PTPRD: variants seen among roughly 807,000 people sequenced by gnomAD.
PTPRD encodes protein tyrosine phosphatase receptor type D.
A neutral mutation model predicts 214.5 loss-of-function variants in PTPRD; 34 were observed. That is an observed-to-expected ratio of 0.16 (90% confidence interval 0.12 to 0.21). The LOEUF (loss-of-function observed/expected upper bound fraction) is 0.21. Ranked by LOEUF, PTPRD falls within the 10% of genes least tolerant of loss-of-function variation. The pLI, the probability that PTPRD is intolerant of heterozygous loss-of-function variation, is 1.00. For synonymous variants in PTPRD, 1,128 were observed against 845.7 expected (o/e 1.33, Z -5.79); for missense variants, 2,545 against 2,398.7 (o/e 1.06, Z -1.27).
intron 4 of PTPRD, among the ~76,000 whole-genome samples, chr9:10,004,160 G>T (rs114236179): frequency 0.028 from 4,256 of 151,928 alleles, 219 homozygotes; most frequent in African/African-American, 0.095. Context: ...AAGGTTTTAA[G>T]TTTGATGGAG....
intron 10 of PTPRD, among the ~76,000 whole-genome samples, chr9:9,081,949 T>G (rs573741985): frequency 6.6e-6 from 1 of 152,032 alleles, no homozygotes; most frequent in Non-Finnish European, 1.5e-5. Context: ...TAACAAGTTC[T>G]GCAACTGAGG....
intron 5 of PTPRD, among the ~76,000 whole-genome samples, chr9:9,908,086 A>C (rs1013023019): frequency 6.6e-6 from 1 of 152,004 alleles, no homozygotes; most frequent in Non-Finnish European, 1.5e-5. Context: ...AGACAAAAAA[A>C]AAAATCTTAG....
chr9:9,951,582 C>T (rs1285901794), intron 4 of PTPRD, among the ~76,000 whole-genome samples: 2 of 152,360 alleles, frequency 1.3e-5, no homozygotes, highest in African/African-American at 4.8e-5. Context: ...AAAGTTTCCC[C>T]TCCCCTTGCC....
chr9:9,429,230 T>G (rs970065455), intron 8 of PTPRD, among the ~76,000 whole-genome samples: 1 of 152,030 alleles, frequency 6.6e-6, no homozygotes, highest in African/African-American at 2.4e-5. Flanking sequence ...TCACCACTGA[T>G]CCCGTAGAGA....
rs1250570323 is a variant in PTPRD at position 9,954,296 on chromosome 9, A to AC, written c.-471-15687dup. On this transcript the variant is annotated intron_variant, in intron 4 of 45. Transcript: ENST00000381196. ...TGACAGATTGAGACTCTGTCTCAAA[A>AC]CAAAAAAAAAAAAAAAAAAAAAAAA... is the stretch of plus-strand genomic sequence containing the variant. 4.8e-4 allele frequency among the ~76,000 whole-genome samples: 63 copies of AC among 130,364 alleles called. 4 individuals carry two copies. The highest frequency in any genetic ancestry group is 1.8e-3 in the African/African-American group (55 of 30,198). 85.5% of individuals were successfully genotyped at this position (130,364 alleles called of 152,430 possible). A position where few individuals can be genotyped will look rare whatever the true frequency, so the allele number is the denominator to read the frequency against.
At chr9:9,883,700 C>T (rs965275397) in intron 5 of PTPRD, among the ~76,000 whole-genome samples, 1 of 152,128 alleles carries the variant, frequency 6.6e-6, no homozygotes, top group Non-Finnish European at 1.5e-5. Flanking sequence ...CTCTATCTAA[C>T]CTCTTAGCCA....
chr9:10,297,580 G>GT (rs5896384), intron 3 of PTPRD, among the ~76,000 whole-genome samples: 281 of 144,232 alleles, frequency 1.9e-3, no homozygotes, highest in East Asian at 4.7e-3. Flanking sequence ...AATGAGTTGT[G>GT]TTTTTTTTTT....
intron 11 of PTPRD, among the ~76,000 whole-genome samples, chr9:8,785,964 G>A (rs1041187393): frequency 6.6e-6 from 1 of 152,026 alleles, no homozygotes. Context: ...TGGCCCAACA[G>A]AATCACTTCC....
intron 8 of PTPRD, among the ~76,000 whole-genome samples, chr9:9,493,264 T>C (rs2096003471): frequency 6.6e-6 from 1 of 152,080 alleles, no homozygotes; most frequent in African/African-American, 2.4e-5. Context: ...TGACAACACA[T>C]TTGTTACACT....
At chr9:9,562,809 A>C (rs2083320263) in intron 8 of PTPRD, among the ~76,000 whole-genome samples, 1 of 151,864 alleles carries the variant, frequency 6.6e-6, no homozygotes, top group South Asian at 2.1e-4. Flanking sequence ...TTTCCTTTCA[A>C]CCTGTTCTAC....
intron 3 of PTPRD, among the ~76,000 whole-genome samples, chr9:10,157,293 G>A (rs535967701): frequency 3.8e-4 from 58 of 152,230 alleles, no homozygotes; most frequent in South Asian, 4.1e-4. Flanking sequence ...CATATTTAGC[G>A]CTTCCTTCAG....
chr9:10,344,951 A>G (rs2097040016), intron 2 of PTPRD, among the ~76,000 whole-genome samples: 1 of 152,160 alleles, frequency 6.6e-6, no homozygotes, highest in South Asian at 2.1e-4. Flanking sequence ...AGATGCTATT[A>G]TAAATCTAAA....
intron 35 of PTPRD, 128 bp from the exon 36 acceptor site, chr9:8,404,788 C>T: frequency 1.0e-5 from 12 of 1,189,298 alleles, no homozygotes; most frequent in Non-Finnish European, 1.1e-5. Flanking sequence ...CAAGATGATC[C>T]TAACTGTGAA....
rs150765809 is a variant in PTPRD, at chr9:9,818,588, G to C, written c.-367-51737C>G. On this transcript the variant is annotated intron_variant, in intron 5 of 45. Transcript: ENST00000381196. ...GGAAAACTACATTGTGATTGTGATT[G>C]CCATTAGACCAATACTAACAAACAT... 2.5e-4 allele frequency among the ~76,000 whole-genome samples: 38 copies of C among 152,170 alleles called. No individual in the cohort carries two copies. The East Asian group carries it at 7.2e-3, about 29-fold the overall frequency.
At chr9:9,445,923 C>A (rs915929223) in intron 8 of PTPRD, among the ~76,000 whole-genome samples, 3 of 152,102 alleles carry the variant, frequency 2.0e-5, no homozygotes, top group Non-Finnish European at 2.9e-5. Context: ...GGTTCCTTAG[C>A]ACAGTTGTGC....
chr9:9,051,456 A>G (rs1222240352), intron 10 of PTPRD, among the ~76,000 whole-genome samples: 1 of 152,210 alleles, frequency 6.6e-6, no homozygotes, highest in African/African-American at 2.4e-5. Context: ...ATGCAAATGT[A>G]GTTAAATGTG....
chr9:9,633,097 C>A (rs2095643791), intron 7 of PTPRD, among the ~76,000 whole-genome samples: 1 of 152,052 alleles, frequency 6.6e-6, no homozygotes, highest in Admixed American at 6.6e-5. Flanking sequence ...GAGTTCGAGA[C>A]CATCCTGGCC....
chr9:9,244,583 T>C (rs535642593), intron 9 of PTPRD, among the ~76,000 whole-genome samples: 2 of 152,310 alleles, frequency 1.3e-5, no homozygotes, highest in East Asian at 1.9e-4. Flanking sequence ...TGGCTAGCCA[T>C]ACGTAAAAAG....
chr9:10,510,337 TATAGTAC>T (rs889260704), intron 2 of PTPRD, among the ~76,000 whole-genome samples: 4 of 152,118 alleles, frequency 2.6e-5, no homozygotes, highest in Non-Finnish European at 5.9e-5. Flanking sequence ...TTTCACTTTT[TATAGTAC>T]ACAGCTTTAT....
Sources: gnomAD v4.1 joint callset for allele counts (sites outside exome capture counted in the v4.1 genomes callset) on GRCh38, gnomAD v4.1.1 for gene constraint, MANE v1.5 for transcripts, NCBI Gene and HGNC (gene_info 2026-07-23, HGNC 2026-07-21) for gene names.